The following ANK3 variants were observed in gnomAD, a reference collection of about 807,000 sequenced individuals.
The protein encoded by ANK3 is ankyrin-3.
Under a neutral mutation model 370.9 loss-of-function variants are expected in ANK3, and 57 were observed. The ratio of observed to expected loss-of-function variants is 0.15; its 90% CI spans 0.12 to 0.19. The LOEUF is 0.19. Ranked by LOEUF, ANK3 falls within the 10% of genes least tolerant of loss-of-function variation. The probability of loss-of-function intolerance (pLI) is 1.00; values close to 1 mark genes in which losing one functional copy is unlikely to be tolerated. For missense variants in ANK3, 4,439 were observed against 5,302.1 expected (o/e 0.84, Z 5.06); for synonymous variants, 1,929 against 1,946.3 (o/e 0.99, Z 0.23).
At chr10:60,725,579 A>G (rs141463817) in intron 1 of ANK3, among the ~76,000 whole-genome samples, 1 of 152,304 alleles carries the variant, frequency 6.6e-6, no homozygotes, top group Non-Finnish European at 1.5e-5. Flanking sequence ...TAGCTCCCTA[A>G]GAACCAGGAA....
chr10:60,578,322 GT>G (rs1567160649), intron 2 of ANK3, among the ~76,000 whole-genome samples: 1 of 152,098 alleles, frequency 6.6e-6, no homozygotes, highest in Non-Finnish European at 1.5e-5. Flanking sequence ...TGTTGGTATG[GT>G]TTTTTGAGCA....
chr10:60,139,737 T>C (rs984759644), intron 23 of ANK3: 3 of 153,030 alleles, frequency 2.0e-5, no homozygotes, highest in African/African-American at 4.8e-5. Flanking sequence ...CCAGAGATAA[T>C]ATGGGTGCTT....
chr10:60,444,815 T>C (rs571171951), intron 2 of ANK3, among the ~76,000 whole-genome samples: 1 of 152,294 alleles, frequency 6.6e-6, no homozygotes, highest in Non-Finnish European at 1.5e-5. Flanking sequence ...ATTTATGAAG[T>C]GTCTGAAGGG....
At chr10:60,393,133 A>G (rs1290088437), upstream of ANK3, among the ~76,000 whole-genome samples, 1 of 152,234 alleles carries the variant, frequency 6.6e-6, no homozygotes, top group African/African-American at 2.4e-5. Flanking sequence ...CATTCTTCAA[A>G]TAAGTCCTAC....
intron 1 of ANK3, among the ~76,000 whole-genome samples, chr10:60,640,535 A>C (rs2078617779): frequency 9.3e-6 from 1 of 107,808 alleles, no homozygotes; most frequent in African/African-American, 3.2e-5. Context: ...CAAAGACAAA[A>C]ACCACATGAT....
intron 1 of ANK3, among the ~76,000 whole-genome samples, chr10:60,626,468 C>T (rs752619164): frequency 6.6e-6 from 1 of 152,060 alleles, no homozygotes; most frequent in African/African-American, 2.4e-5. Context: ...GTGACAAAGT[C>T]ACAATTCATA....
chr10:60,255,653 T>C, intron 7 of ANK3, among the ~76,000 whole-genome samples: 1 of 148,990 alleles, frequency 6.7e-6, no homozygotes, highest in South Asian at 2.1e-4. Flanking sequence ...CATTATGACA[T>C]TGAAGGGAAG....
At chr10:60,642,974 TAAA>T (rs1240578845) in intron 1 of ANK3, among the ~76,000 whole-genome samples, 1 of 152,158 alleles carries the variant, frequency 6.6e-6, no homozygotes, top group Non-Finnish European at 1.5e-5. Flanking sequence ...TGTATTATAA[TAAA>T]ATGTGAAGCA....
intron 2 of ANK3, among the ~76,000 whole-genome samples, chr10:60,602,720 G>T (rs2078080814): frequency 6.6e-6 from 1 of 151,720 alleles, no homozygotes; most frequent in Non-Finnish European, 1.5e-5. Context: ...TATAAATACG[G>T]GCATGATACA....
At chr10:60,589,714 T>C (rs1166569158) in intron 2 of ANK3, among the ~76,000 whole-genome samples, 1 of 152,252 alleles carries the variant, frequency 6.6e-6, no homozygotes, top group South Asian at 2.1e-4. Flanking sequence ...AAAATAATCT[T>C]GTAATTCTTT....
chr10:60,206,567 C>T (rs1056652360), intron 10 of ANK3, among the ~76,000 whole-genome samples: 3 of 141,166 alleles, frequency 2.1e-5, no homozygotes, highest in Non-Finnish European at 4.4e-5. Context: ...CACAGCTCCA[C>T]TTCACCAAGG....
intron 40 of ANK3, among the ~76,000 whole-genome samples, chr10:60,060,982 G>A (rs1412490661): frequency 1.3e-5 from 2 of 152,178 alleles, no homozygotes; most frequent in Admixed American, 6.5e-5. Context: ...AGAGAGAAAA[G>A]TCAACAATGG....
intron 1 of ANK3, among the ~76,000 whole-genome samples, chr10:60,325,474 T>C (rs191566149): frequency 2.1e-4 from 32 of 152,280 alleles, no homozygotes; most frequent in African/African-American, 6.5e-4. Context: ...CTTTCTTTCC[T>C]AGCTGCAATG....
intron 40 of ANK3, among the ~76,000 whole-genome samples, chr10:60,061,152 C>CTCAAATTGCTATAGG (rs1448909193): frequency 2.6e-5 from 4 of 152,184 alleles, no homozygotes; most frequent in Non-Finnish European, 5.9e-5. Context: ...CTGTTGTAAA[C>CTCAAATTGCTATAGG]TCAAATTGCT....
chr10:60,481,863 G>A (rs1196522080), intron 2 of ANK3, among the ~76,000 whole-genome samples: 1 of 152,138 alleles, frequency 6.6e-6, no homozygotes, highest in Admixed American at 6.5e-5. Flanking sequence ...CATTCATATT[G>A]TCTTTATCCC....
intron 25 of ANK3, among the ~76,000 whole-genome samples, chr10:60,127,702 T>TG (rs1343316043): frequency 9.9e-6 from 1 of 101,122 alleles, no homozygotes; most frequent in African/African-American, 4.0e-5. Flanking sequence ...TTTTCATACT[T>TG]TTTTTTTTTT....
At chr10:60,040,014 T>G (rs181001292) in intron 43 of ANK3, among the ~76,000 whole-genome samples, 3 of 152,172 alleles carry the variant, frequency 2.0e-5, no homozygotes, top group Non-Finnish European at 2.9e-5. Flanking sequence ...ACAAGCAAAA[T>G]TGCCTGACTT....
rs150205718 is a variant in ANK3, at chr10:60,219,007, G to A, written c.898-5497C>T. ...CATTCCTTTTACTCTAGTCTTGTCT[G>A]CATGCCTTATTTCAGCAAGGTAGTC... On this transcript the variant is annotated intron_variant, in intron 8 of 43. Coordinates refer to ENST00000280772, the MANE Select transcript of ANK3 (RefSeq NM_020987.5). Among the ~76,000 whole-genome samples, 9 of 151,502 alleles carry A rather than the reference G, an allele frequency of 5.9e-5. No individual in the cohort carries two copies. The East Asian group carries it at 1.8e-3, about 30-fold the overall frequency.
At chr10:60,269,670 C>A (rs2097937585) in intron 5 of ANK3, among the ~76,000 whole-genome samples, 1 of 136,120 alleles carries the variant, frequency 7.3e-6, no homozygotes, top group East Asian at 2.2e-4. Context: ...AAAAAAGTAC[C>A]ATAGTTTTAT....
Sources: allele counts gnomAD v4.1 joint callset (sites outside exome capture counted in the v4.1 genomes callset), GRCh38; gene constraint gnomAD v4.1.1; transcripts MANE v1.5; gene names NCBI Gene and HGNC (gene_info 2026-07-23, HGNC 2026-07-21).